ENTREP2: variants seen among roughly 807,000 people sequenced by gnomAD.
ENTREP2 encodes endosomal transmembrane epsin interactor 2, also known as protein ENTREP2.
chr15:29,228,529 T>C, the ENTREP2 span, among the ~76,000 whole-genome samples: 2 of 152,200 alleles, frequency 1.3e-5, no homozygotes, highest in South Asian at 2.1e-4. Flanking sequence ...ATGTTGGTCA[T>C]GGTTTCACAC....
the ENTREP2 span, among the ~76,000 whole-genome samples, chr15:29,470,100 G>A: frequency 3.9e-5 from 6 of 152,192 alleles, no homozygotes; most frequent in Non-Finnish European, 7.3e-5. Context: ...AGGAGCCTAA[G>A]ACAAGATCAA....
the ENTREP2 span, chr15:29,196,619 G>A: frequency 1.3e-6 from 2 of 1,523,288 alleles, no homozygotes; most frequent in South Asian, 1.2e-5. Flanking sequence ...GACCCCCGAG[G>A]GTACGCGTGA....
At chr15:29,545,662 C>T in the ENTREP2 span, among the ~76,000 whole-genome samples, 4,986 of 152,266 alleles carry the variant, frequency 0.033, 239 homozygotes, top group African/African-American at 0.11. Context: ...TGATGATCCA[C>T]GTCATTTTTG....
At chr15:29,257,362 C>T in the ENTREP2 span, among the ~76,000 whole-genome samples, 5 of 152,250 alleles carry the variant, frequency 3.3e-5, no homozygotes, top group East Asian at 1.9e-4. Flanking sequence ...CGTGAGCCAC[C>T]GCGCCAGGCC....
the ENTREP2 span, among the ~76,000 whole-genome samples, chr15:29,229,009 A>C: frequency 0.35 from 53,571 of 151,594 alleles, 10,208 homozygotes; most frequent in East Asian, 0.6. Flanking sequence ...CCTTGGTAAT[A>C]CTTCCGAATA....
chr15:29,217,501 T>C, the ENTREP2 span, among the ~76,000 whole-genome samples: 2 of 152,242 alleles, frequency 1.3e-5, no homozygotes, highest in African/African-American at 2.4e-5. Flanking sequence ...TTGAAGACCT[T>C]GTCTTCAAGC....
At chr15:29,270,945 A>C in the ENTREP2 span, among the ~76,000 whole-genome samples, 64 of 152,364 alleles carry the variant, frequency 4.2e-4, no homozygotes, top group African/African-American at 1.5e-3. Context: ...TATTCAAAGG[A>C]AAGCAATTTA....
chr15:29,221,300 C>G, the ENTREP2 span, among the ~76,000 whole-genome samples: 174 of 151,928 alleles, frequency 1.1e-3, 1 homozygote, highest in Admixed American at 9.8e-3. Context: ...CTCCTGGGTT[C>G]AAGTGATTCT....
At chr15:29,511,084 T>A in the ENTREP2 span, among the ~76,000 whole-genome samples, 3 of 152,102 alleles carry the variant, frequency 2.0e-5, no homozygotes, top group African/African-American at 7.2e-5. Context: ...GAGAAACAAC[T>A]AATGTAGATG....
the ENTREP2 span, among the ~76,000 whole-genome samples, chr15:29,614,515 C>G: frequency 6.6e-6 from 1 of 152,152 alleles, no homozygotes; most frequent in Non-Finnish European, 1.5e-5. Context: ...TGCTGAATGT[C>G]TCCTCTCTCT....
chr15:29,373,517 G>T, the ENTREP2 span: 3 of 152,110 alleles, frequency 2.0e-5, no homozygotes, highest in Non-Finnish European at 4.4e-5. Flanking sequence ...AGATTCATTT[G>T]AGTTAACAAA....
At chr15:29,609,348 T>C in the ENTREP2 span, among the ~76,000 whole-genome samples, 1 of 150,364 alleles carries the variant, frequency 6.7e-6, no homozygotes, top group Non-Finnish European at 1.5e-5. Flanking sequence ...CTATTATTGT[T>C]TGAATGTTTG....
At chr15:29,489,972 G>C in the ENTREP2 span, among the ~76,000 whole-genome samples, 3 of 152,230 alleles carry the variant, frequency 2.0e-5, no homozygotes, top group Admixed American at 6.5e-5. Flanking sequence ...AAATGAAACT[G>C]TCTCTAAATA....
At chr15:29,335,722 A>C in the ENTREP2 span, among the ~76,000 whole-genome samples, 3,395 of 150,308 alleles carry the variant, frequency 0.023, 58 homozygotes, top group African/African-American at 0.048. Flanking sequence ...TGCCCAGCTA[A>C]GACAGTCCCC....
the ENTREP2 span, among the ~76,000 whole-genome samples, chr15:29,612,102 T>C: frequency 6.6e-6 from 1 of 152,228 alleles, no homozygotes; most frequent in Non-Finnish European, 1.5e-5. Flanking sequence ...TTTTCCTCCT[T>C]CGGAGTCAGT....
the ENTREP2 span, among the ~76,000 whole-genome samples, chr15:29,617,205 C>A: frequency 6.6e-6 from 1 of 152,182 alleles, no homozygotes; most frequent in Non-Finnish European, 1.5e-5. Flanking sequence ...AGCCTGAGCC[C>A]AAAGGCCAGA....
the ENTREP2 span, among the ~76,000 whole-genome samples, chr15:29,379,683 C>T: frequency 1.3e-5 from 2 of 152,148 alleles, no homozygotes; most frequent in African/African-American, 4.8e-5. Context: ...TCAGCCACCA[C>T]CATAAGGGGT....
At chr15:29,412,852 C>T in the ENTREP2 span, among the ~76,000 whole-genome samples, 1 of 151,912 alleles carries the variant, frequency 6.6e-6, no homozygotes, top group Non-Finnish European at 1.5e-5. Context: ...TAAATTTATT[C>T]ATTCTTCTTT....
the ENTREP2 span, among the ~76,000 whole-genome samples, chr15:29,156,302 A>C: frequency 6.6e-6 from 1 of 152,180 alleles, no homozygotes; most frequent in East Asian, 1.9e-4. Flanking sequence ...CTCCTGCCTC[A>C]GCCTCCTGAG....
Sources: gnomAD v4.1 joint callset for allele counts (sites outside exome capture counted in the v4.1 genomes callset) on GRCh38, gnomAD v4.1.1 for gene constraint, MANE v1.5 for transcripts, NCBI Gene and HGNC (gene_info 2026-07-23, HGNC 2026-07-21) for gene names.